Variants in AK7 observed in about 807,000 individuals in gnomAD.
AK7 encodes adenylate kinase 7, also known as ATP-AMP transphosphorylase 7.
A neutral mutation model predicts 96.6 loss-of-function variants in AK7; 78 were observed. The ratio of observed to expected loss-of-function variants is 0.81; its 90% CI spans 0.67 to 0.97. AK7 has a LOEUF of 0.97. Among genes scored for constraint, AK7 ranks in the 50% least tolerant of loss-of-function variants. The pLI, the probability that AK7 is intolerant of heterozygous loss-of-function variation, is 0.00. For missense variants in AK7, 855 were observed against 887.9 expected, an observed-to-expected ratio of 0.96 and a Z score of 0.47; for synonymous variants, 302 against 317.2, an observed-to-expected ratio of 0.95 and a Z score of 0.51.
rs545669775 is a variant in AK7 at position 96,438,394 on chromosome 14, T to C, written c.690+479T>C. Among the ~76,000 whole-genome samples the C allele has an allele frequency of 3.9e-5, 6 of 152,200 alleles. No individual in the cohort carries two copies. The South Asian group carries it at 6.2e-4, about 16-fold the overall frequency. On this transcript the variant is annotated intron_variant, in intron 6 of 17. Coordinates refer to ENST00000267584, the MANE Select transcript of AK7 (RefSeq NM_152327.5). ...GGGATTGGGGCTGTTATATCTTATA[T>C]AGGAAGGTTGAGGAAGGTCTTTCCA...
chr14:96,454,489 A>G (rs1595435532), intron 10 of AK7, among the ~76,000 whole-genome samples: 1 of 151,360 alleles, frequency 6.6e-6, no homozygotes, highest in African/African-American at 2.4e-5. Flanking sequence ...TAACTTTTTT[A>G]AAAATTGAGA....
In AK7 at chr14:96,392,249, A is replaced by G. The variant is rs942763605; in HGVS notation, c.95A>G (p.Asn32Ser). The part of the protein sequence containing the change: ...INLLDSYSSG[N>S]IGKFLSNCVV... ...CTGTTGGATTCCTACAGCAGCGGAA[A>G]CATCGGGAAGGTGAGCGGCGGCGGC... Residue 32 changes from asparagine (N) to serine (S), a missense_variant, in exon 1 of 18, where the codon AAC (asparagine) becomes AGC (serine). By Grantham distance (46) the Asn-to-Ser change is conservative (BLOSUM62 1). Coordinates refer to ENST00000267584, the MANE Select transcript of AK7 (RefSeq NM_152327.5). The G allele has an allele frequency of 6.2e-7, 1 of 1,612,476 alleles. No individual in the cohort carries two copies. Among genetic ancestry groups the G allele is most frequent in the Admixed American group, 1.7e-5 (1 of 60,016 alleles).
chr14:96,468,840 T>C (rs1158598239), intron 12 of AK7, among the ~76,000 whole-genome samples: 2 of 152,204 alleles, frequency 1.3e-5, no homozygotes, highest in Non-Finnish European at 2.9e-5. Flanking sequence ...ATTTTTTTTT[T>C]TTTTAGAAAA....
intron 5 of AK7, among the ~76,000 whole-genome samples, chr14:96,426,411 C>A (rs1269655698): frequency 1.3e-5 from 2 of 151,780 alleles, no homozygotes; most frequent in African/African-American, 4.8e-5. Context: ...TTTTTTGGTT[C>A]ATTGTATAGT....
chr14:96,456,296 C>A, intron 10 of AK7, 51 bp from the exon 11 acceptor site: 1 of 1,389,922 alleles, frequency 7.2e-7, no homozygotes, highest in Non-Finnish European at 9.9e-7. Context: ...CTCTGTCTAG[C>A]TACAGATCAT....
rs1893909302 is a variant in AK7 at position 96,456,391 on chromosome 14, C to A, written c.1143C>A (p.Ser381=). 1 of 1,613,738 alleles carries A rather than the reference C, an allele frequency of 6.2e-7. No individual in the cohort carries two copies. The highest frequency in any genetic ancestry group is 1.3e-5 in the African/African-American group (1 of 74,884). Residue 381 remains serine (S), a synonymous_variant, in exon 11 of 18, where the codon TCC becomes TCA. Coordinates refer to ENST00000267584, the MANE Select transcript of AK7 (RefSeq NM_152327.5). ...TTGGTCCCCCTGCTGTGGGAAAATC[C>A]AGTATTGCTAAAGAATTGGCCAACT... is the stretch of plus-strand genomic sequence containing the variant. ...CILGPPAVGK[S]SIAKELANYY... is the part of the protein sequence containing the mutation.
intron 12 of AK7, among the ~76,000 whole-genome samples, chr14:96,459,792 G>A (rs968820450): frequency 1.2e-4 from 18 of 151,512 alleles, no homozygotes; most frequent in Non-Finnish European, 2.2e-4. Context: ...CAGGAGAATC[G>A]CTTGAACCTG....
At chr14:96,474,543 T>C (rs1457789246) in intron 14 of AK7, among the ~76,000 whole-genome samples, 1 of 151,770 alleles carries the variant, frequency 6.6e-6, no homozygotes, top group Non-Finnish European at 1.5e-5. Flanking sequence ...GGAGAATCAC[T>C]TGAGTGTGGG....
chr14:96,426,301 A>T (rs1242626508), intron 5 of AK7, among the ~76,000 whole-genome samples: 4 of 152,222 alleles, frequency 2.6e-5, no homozygotes, highest in Admixed American at 6.5e-5. Context: ...GAAAACTAAT[A>T]ACACTATGCC....
At chr14:96,473,191 G>A (rs1237480993) in intron 14 of AK7, among the ~76,000 whole-genome samples, 1 of 137,700 alleles carries the variant, frequency 7.3e-6, no homozygotes, top group Non-Finnish European at 1.5e-5. Context: ...TTTTTTTTGA[G>A]ACTGAGTCTT....
chr14:96,445,369 T>C (rs1046289704), intron 7 of AK7, among the ~76,000 whole-genome samples: 10 of 152,194 alleles, frequency 6.6e-5, no homozygotes, highest in African/African-American at 2.4e-4. Context: ...GAGAAATGGG[T>C]AGAAAATAGG....
chr14:96,433,212 G>A (rs1248531685), intron 5 of AK7, among the ~76,000 whole-genome samples: 1 of 152,086 alleles, frequency 6.6e-6, no homozygotes, highest in Non-Finnish European at 1.5e-5. Context: ...TTTGAATGTT[G>A]GCCTGCCTTG....
intron 5 of AK7, among the ~76,000 whole-genome samples, chr14:96,422,769 A>G (rs767935725): frequency 1.3e-5 from 2 of 152,206 alleles, no homozygotes; most frequent in Non-Finnish European, 2.9e-5. Context: ...TTCTGTAGCA[A>G]TAGTTTCAGG....
intron 5 of AK7, among the ~76,000 whole-genome samples, chr14:96,434,773 T>C (rs761388608): frequency 4.6e-5 from 7 of 152,030 alleles, no homozygotes; most frequent in Non-Finnish European, 1.0e-4. Context: ...TGGCGTTCTA[T>C]TGTATTGCGG....
chr14:96,420,624 C>T (rs1475916900), intron 4 of AK7, among the ~76,000 whole-genome samples, 198 bp from the exon 5 acceptor site: 3 of 151,762 alleles, frequency 2.0e-5, no homozygotes, highest in Admixed American at 2.0e-4. Context: ...TTTGGAAGGC[C>T]GAGGCAGGAG....
chr14:96,410,363 T>C (rs887768215), intron 4 of AK7, among the ~76,000 whole-genome samples: 2 of 152,194 alleles, frequency 1.3e-5, no homozygotes, highest in African/African-American at 4.8e-5. Context: ...CTGTGCTAGC[T>C]TCCGGACTGA....
At position 96,488,650 on chromosome 14, in the gene AK7, G is replaced by A; in HGVS notation, c.*307G>A. 1 of 224,380 alleles carries A rather than the reference G, an allele frequency of 4.5e-6. No individual in the cohort carries two copies. The highest frequency in any genetic ancestry group is 8.8e-6 in the Non-Finnish European group (1 of 113,448). The allele number at this position is 224,380 out of a possible 1,614,324, so 13.9% of individuals were successfully genotyped here. A position where few individuals can be genotyped will look rare whatever the true frequency, so the allele number is the denominator to read the frequency against. On this transcript the variant is annotated 3_prime_UTR_variant, in exon 18 of 18. Coordinates refer to ENST00000267584, the MANE Select transcript of AK7 (RefSeq NM_152327.5). ...ACACTAATGTTTATAGGTATTTATA[G>A]CATGAAGAAAATCAGACTATATATT...
Position 96,408,949 on chromosome 14 carries a change from G to A in AK7, c.498+8G>A, listed in dbSNP as rs370482538. The A allele has an allele frequency of 8.3e-5, 134 of 1,613,094 alleles. No individual in the cohort carries two copies. Among genetic ancestry groups the A allele is most frequent in the Middle Eastern group, 1.6e-4 (1 of 6,082 alleles). ...TCCAAAGCCCTGGACCCCGTAAGTA[G>A]AGCGTTAGCTTTCCTTTAGGTAACA... On this transcript the variant is annotated splice_region_variant and intron_variant, in intron 4 of 17. Coordinates refer to ENST00000267584, the MANE Select transcript of AK7 (RefSeq NM_152327.5).
At chr14:96,436,892 T>C (rs1285876873) in intron 5 of AK7, among the ~76,000 whole-genome samples, 1 of 152,032 alleles carries the variant, frequency 6.6e-6, no homozygotes, top group African/African-American at 2.4e-5. Flanking sequence ...CGCTGTCCAG[T>C]GTGGCCTGGG....
Sources: allele counts gnomAD v4.1 joint callset (sites outside exome capture counted in the v4.1 genomes callset), GRCh38; gene constraint gnomAD v4.1.1; transcripts MANE v1.5; gene names NCBI Gene and HGNC (gene_info 2026-07-23, HGNC 2026-07-21).